The following SGCZ variants were observed in gnomAD, a reference collection of about 807,000 sequenced individuals.
The protein encoded by SGCZ is sarcoglycan zeta.
A neutral mutation model predicts 41.3 loss-of-function variants in SGCZ; 40 were observed. That is an observed-to-expected ratio of 0.97 (90% CI 0.75 to 1.26). The LOEUF (loss-of-function observed/expected upper bound fraction) is 1.26. Among genes scored for constraint, SGCZ ranks in the 50% most tolerant of loss-of-function variants. The pLI is 0.00. For missense variants in SGCZ, 552 were observed against 369.8 expected (o/e 1.49, Z -4.04); for synonymous variants, 206 against 137.5 (o/e 1.50, Z -3.49).
intron 3 of SGCZ, among the ~76,000 whole-genome samples, chr8:14,240,845 A>G (rs1353307972): frequency 6.6e-6 from 1 of 152,186 alleles, no homozygotes; most frequent in African/African-American, 2.4e-5. Flanking sequence ...ATGACTTTTT[A>G]CACACTATCC....
chr8:15,237,723 A>C lies in SGCZ; in HGVS notation c.-100T>G. 7.7e-7 allele frequency: 1 copy of C among 1,292,098 alleles called. No homozygotes were observed. The highest frequency in any genetic ancestry group is 1.1e-6 in the Non-Finnish European group (1 of 915,390). The allele number at this position is 1,292,098 out of a possible 1,614,324, so 80.0% of individuals were successfully genotyped here. ...CTTAAACTCAGCTTTATCCTCCTCC[A>C]AGCCCCGGCAGCTCCTCTCAGTCTC... On this transcript the variant is annotated 5_prime_UTR_variant, in exon 1 of 8. Transcript: ENST00000382080.
intron 1 of SGCZ, among the ~76,000 whole-genome samples, chr8:14,567,809 A>C (rs1247910346): frequency 1.3e-5 from 2 of 152,046 alleles, no homozygotes; most frequent in Non-Finnish European, 2.9e-5. Flanking sequence ...CTCCAGACGC[A>C]CCACCTTAAG....
intron 2 of SGCZ, among the ~76,000 whole-genome samples, chr8:14,443,604 C>T (rs997004138): frequency 1.3e-5 from 2 of 152,056 alleles, no homozygotes; most frequent in African/African-American, 2.4e-5. Flanking sequence ...AACTGGCTAG[C>T]CATATGTAGA....
intron 4 of SGCZ, among the ~76,000 whole-genome samples, chr8:14,207,032 A>T (rs747411808): frequency 1.3e-5 from 2 of 152,074 alleles, no homozygotes; most frequent in Non-Finnish European, 2.9e-5. Context: ...GAACTATTTA[A>T]ATTTTGTGAA....
intron 1 of SGCZ, among the ~76,000 whole-genome samples, chr8:14,595,246 G>C (rs188041657): frequency 6.6e-5 from 10 of 152,174 alleles, no homozygotes; most frequent in Non-Finnish European, 2.9e-5. Flanking sequence ...TTAAATACAA[G>C]TCATTTCAAA....
intron 1 of SGCZ, among the ~76,000 whole-genome samples, chr8:14,839,488 TGA>T (rs960309598): frequency 2.0e-5 from 3 of 152,184 alleles, no homozygotes; most frequent in African/African-American, 7.2e-5. Flanking sequence ...GATTTAAATT[TGA>T]GAGTTATTAT....
At chr8:14,256,755 A>C (rs1799480205) in intron 3 of SGCZ, among the ~76,000 whole-genome samples, 1 of 152,154 alleles carries the variant, frequency 6.6e-6, no homozygotes, top group Admixed American at 6.5e-5. Context: ...CAATTACATG[A>C]ATCTATCCAC....
chr8:14,643,403 T>A lies in SGCZ; in HGVS notation c.40-88477A>T, dbSNP rs572980019. ...AATGCAAGTAGCTCTGAATAAGAAA[T>A]AATTTAAAAATTTGCTTAATTAGAT... On this transcript the variant is annotated intron_variant, in intron 1 of 7. Transcript: ENST00000382080. 2.0e-5 allele frequency among the ~76,000 whole-genome samples: 3 copies of A among 151,800 alleles called. No homozygotes were observed. The East Asian group carries it at 5.8e-4, about 29-fold the overall frequency.
intron 1 of SGCZ, among the ~76,000 whole-genome samples, chr8:14,585,618 T>C (rs1341799661): frequency 2.6e-5 from 4 of 152,158 alleles, no homozygotes; most frequent in Admixed American, 2.0e-4. Context: ...ACAAAGGTTA[T>C]TATTTTATGA....
intron 2 of SGCZ, among the ~76,000 whole-genome samples, chr8:14,412,888 C>G (rs1799399133): frequency 6.6e-6 from 1 of 151,836 alleles, no homozygotes. Context: ...AAATATTTGT[C>G]TGGTATGAAT....
At chr8:14,445,239 C>G (rs1182571199) in intron 2 of SGCZ, among the ~76,000 whole-genome samples, 1 of 152,220 alleles carries the variant, frequency 6.6e-6, no homozygotes, top group African/African-American at 2.4e-5. Context: ...TAGCCTGAAA[C>G]TCGCAGCCCA....
At chr8:15,026,188 G>C (rs1244953988) in intron 1 of SGCZ, among the ~76,000 whole-genome samples, 1 of 151,082 alleles carries the variant, frequency 6.6e-6, no homozygotes, top group South Asian at 2.1e-4. Flanking sequence ...CATTTCTTTA[G>C]GTTGGCCAAA....
chr8:14,489,363 A>G (rs1430639362), intron 2 of SGCZ, among the ~76,000 whole-genome samples: 1 of 152,212 alleles, frequency 6.6e-6, no homozygotes, highest in African/African-American at 2.4e-5. Context: ...CAAAAAATTA[A>G]GGACGTTCTT....
At chr8:14,325,067 A>G (rs553226090) in intron 2 of SGCZ, among the ~76,000 whole-genome samples, 1 of 152,302 alleles carries the variant, frequency 6.6e-6, no homozygotes, top group East Asian at 1.9e-4. Flanking sequence ...AGCCATACAT[A>G]TAATTTAAGG....
chr8:14,550,798 G>A (rs1383110018), intron 2 of SGCZ, among the ~76,000 whole-genome samples: 1 of 151,806 alleles, frequency 6.6e-6, no homozygotes, highest in Admixed American at 6.6e-5. Context: ...TGCCTTTCAG[G>A]GTTTAAGCAG....
chr8:15,147,145 C>T (rs1439789592), intron 1 of SGCZ, among the ~76,000 whole-genome samples: 1 of 152,154 alleles, frequency 6.6e-6, no homozygotes, highest in Non-Finnish European at 1.5e-5. Flanking sequence ...GATATTAATA[C>T]TGCTGGTAGA....
rs1157692556 is a variant in SGCZ, at chr8:15,237,479, G to C, written c.39+106C>G. The C allele has an allele frequency of 2.9e-6, 4 of 1,370,664 alleles. No individual in the cohort carries two copies. The African/African-American group carries it at 5.8e-5, about 20-fold the overall frequency. The allele number at this position is 1,370,664 out of a possible 1,614,324, so 84.9% of individuals were successfully genotyped here. A position where few individuals can be genotyped will look rare whatever the true frequency, so the allele number is the denominator to read the frequency against. ...CCCCCCAACGCCCCCTCGTCGTCCC[G>C]CGGGACCACCAACTACTCCGCGCCG... is the stretch of plus-strand genomic sequence containing the variant. On this transcript the variant is annotated intron_variant, in intron 1 of 7. Coordinates refer to ENST00000382080, the MANE Select transcript of SGCZ (RefSeq NM_139167.4).
chr8:14,362,056 G>A (rs1393911993), intron 2 of SGCZ, among the ~76,000 whole-genome samples: 2 of 152,174 alleles, frequency 1.3e-5, no homozygotes, highest in Non-Finnish European at 2.9e-5. Flanking sequence ...TCCTCTAGAA[G>A]CTTCATCTCA....
In SGCZ at chr8:14,352,313, T is replaced by C. The variant is rs949786894; in HGVS notation, c.235-28109A>G. 1.3e-5 allele frequency among the ~76,000 whole-genome samples: 2 copies of C among 151,258 alleles called. 1 individual carries two copies. The highest frequency in any genetic ancestry group is 4.2e-4 in the South Asian group (2 of 4,776). On this transcript the variant is annotated intron_variant, in intron 2 of 7. Transcript: ENST00000382080. The stretch of plus-strand genomic sequence containing the variant: ...GAGGAGAGAAGTAACGTATAAGGAG[T>C]AGAGTGTAAGGATGATAGCTTATAT...
Sources: allele counts gnomAD v4.1 joint callset (sites outside exome capture counted in the v4.1 genomes callset), GRCh38; gene constraint gnomAD v4.1.1; transcripts MANE v1.5; gene names NCBI Gene and HGNC (gene_info 2026-07-23, HGNC 2026-07-21).